Variants in ELFN1 observed in about 807,000 individuals in gnomAD.
ELFN1 encodes extracellular leucine rich repeat and fibronectin type III domain containing 1, also known as protein ELFN1.
ELFN1 carries 6 observed loss-of-function variants against 7.6 expected under a neutral mutation model. The observed-to-expected ratio is 0.79, with a 90% CI of 0.43 to 1.56. The LOEUF is 1.56. ELFN1 is among the 40% of genes most tolerant of loss of function. The pLI is 0.01. For synonymous variants in ELFN1, 657 were observed against 588.1 expected, an observed-to-expected ratio of 1.12 and a Z score of -1.70; for missense variants, 1,169 against 1,232.2, an observed-to-expected ratio of 0.95 and a Z score of 0.77.
At chr7:1,690,020 C>T (rs1035403747) in intron 2 of ELFN1, among the ~76,000 whole-genome samples, 1 of 152,158 alleles carries the variant, frequency 6.6e-6, no homozygotes, top group African/African-American at 2.4e-5. Flanking sequence ...CTGGCACATT[C>T]CCTTCTTGAC....
chr7:1,679,443 A>G (rs1778934883), intron 1 of ELFN1, among the ~76,000 whole-genome samples: 1 of 152,248 alleles, frequency 6.6e-6, no homozygotes, highest in South Asian at 2.1e-4. Context: ...GGCCAGGAGG[A>G]CAGTCCCGGG....
At chr7:1,712,245 C>T (rs2128588769) in intron 3 of ELFN1, among the ~76,000 whole-genome samples, 1 of 148,886 alleles carries the variant, frequency 6.7e-6, no homozygotes, top group Admixed American at 6.7e-5. Context: ...GTGCAGTGGC[C>T]TGAGTAGCTG....
At position 1,744,560 on chromosome 7, in the gene ELFN1, G is replaced by A; in HGVS notation, c.-37G>A. On this transcript the variant is annotated 5_prime_UTR_variant, in exon 4 of 4. Coordinates refer to ENST00000424383, the MANE Select transcript of ELFN1 (RefSeq NM_001128636.4). ...CCTGGCCCCCCACCTGGTCCCCCTG[G>A]GCAGGCTGAATTGGGGCTCCCTGCA... The A allele has an allele frequency of 6.9e-7, 1 of 1,459,322 alleles. No individual in the cohort carries two copies. Among genetic ancestry groups the A allele is most frequent in the Non-Finnish European group, 9.0e-7 (1 of 1,111,030 alleles). 90.4% of individuals were successfully genotyped at this position (1,459,322 alleles called of 1,614,324 possible).
intron 3 of ELFN1, among the ~76,000 whole-genome samples, chr7:1,715,518 C>T (rs1779803253): frequency 6.6e-6 from 1 of 152,200 alleles, no homozygotes; most frequent in African/African-American, 2.4e-5. Context: ...ATTCCTTTCC[C>T]CTCCCCAGCA....
upstream of ELFN1, among the ~76,000 whole-genome samples, chr7:1,666,899 G>A (rs1778680250): frequency 6.6e-6 from 1 of 151,922 alleles, no homozygotes; most frequent in East Asian, 2.0e-4. This position sits in a 1 kb window ranked among gnomAD's most constrained non-coding sequence, Gnocchi z 7.9. Context: ...CGACCGCTGC[G>A]GAGCTCCCGG....
chr7:1,733,849 G>A (rs1780374954), intron 3 of ELFN1, among the ~76,000 whole-genome samples: 1 of 152,208 alleles, frequency 6.6e-6, no homozygotes, highest in South Asian at 2.1e-4. Flanking sequence ...GTGCACCTGC[G>A]CCTGGGGAGA....
At chr7:1,677,240 G>A (rs1485641002) in intron 1 of ELFN1, among the ~76,000 whole-genome samples, 1 of 152,230 alleles carries the variant, frequency 6.6e-6, no homozygotes, top group Non-Finnish European at 1.5e-5. Context: ...TTTCAGAGCT[G>A]TGTTCTTGGG....
chr7:1,702,177 C>T lies in ELFN1; in HGVS notation c.-455-6914C>T, dbSNP rs146349458. Among the ~76,000 whole-genome samples, 72 of 152,270 alleles carry T rather than the reference C, an allele frequency of 4.7e-4. No homozygotes were observed. In the East Asian group the frequency reaches 0.013, roughly 28 times the overall value. ...CAGTGGCTCACGCTTGTAATCCCAG[C>T]ACTTTGGGAGGCCAAGGTGGGCAAA... On this transcript the variant is annotated intron_variant, in intron 2 of 3. Coordinates refer to ENST00000424383, the MANE Select transcript of ELFN1 (RefSeq NM_001128636.4).
chr7:1,692,071 T>G (rs1185602639), intron 2 of ELFN1: 3 of 152,174 alleles, frequency 2.0e-5, no homozygotes, highest in Non-Finnish European at 4.4e-5. Context: ...CATGAGGGAC[T>G]CCTTTCATCT....
At chr7:1,674,563 C>T (rs1016487485) in intron 1 of ELFN1, among the ~76,000 whole-genome samples, 3 of 152,008 alleles carry the variant, frequency 2.0e-5, no homozygotes, top group East Asian at 1.9e-4. Flanking sequence ...GGAGAGGCAG[C>T]GGAAGGGAAG....
At chr7:1,743,231 G>T (rs539175684) in intron 3 of ELFN1, among the ~76,000 whole-genome samples, 1 of 152,330 alleles carries the variant, frequency 6.6e-6, no homozygotes, top group Non-Finnish European at 1.5e-5. Context: ...AGGCTCAGCA[G>T]ACACTAGGCA....
At chr7:1,710,077 G>A (rs907159440) in intron 3 of ELFN1, among the ~76,000 whole-genome samples, 5 of 152,240 alleles carry the variant, frequency 3.3e-5, no homozygotes, top group Admixed American at 3.3e-4. Flanking sequence ...AGGCGCTATT[G>A]TTAAGCAACA....
chr7:1,705,397 C>T lies in ELFN1; in HGVS notation c.-455-3694C>T, dbSNP rs749119609. The stretch of plus-strand genomic sequence containing the variant: ...CCTTCATTTTTCCAACCCTCTCACC[C>T]GGACATTTGCAAGTTGATGAGTTGT... On this transcript the variant is annotated intron_variant, in intron 2 of 3. Transcript: ENST00000424383. This position sits in a 1 kb window ranked among gnomAD's most constrained non-coding sequence, Gnocchi z 4.3. Among the ~76,000 whole-genome samples, 5 of 152,250 alleles carry T rather than the reference C, an allele frequency of 3.3e-5. No individual in the cohort carries two copies. The highest frequency in any genetic ancestry group is 7.2e-5 in the African/African-American group (3 of 41,452).
At position 1,745,987 on chromosome 7, in the gene ELFN1, A is replaced by T; in HGVS notation, c.1391A>T (p.Lys464Met). Residue 464 changes from lysine to methionine, a missense_variant, in exon 4 of 4, where the codon AAG (lysine) becomes ATG (methionine). Coordinates refer to ENST00000424383, the MANE Select transcript of ELFN1 (RefSeq NM_001128636.4). ...ASAAAAGSLK[K>M]TIIELKYGPE... ...GCAGCCGCAGCTGGCAGCCTCAAGAAGACCATCATCGAGCTCAAGTACGGG... is the reference window on the plus strand; with the variant it reads ...GCAGCCGCAGCTGGCAGCCTCAAGATGACCATCATCGAGCTCAAGTACGGG... 6.5e-7 allele frequency: 1 copy of T among 1,544,222 alleles called. No individual in the cohort carries two copies. Among genetic ancestry groups the T allele is most frequent in the Non-Finnish European group, 8.8e-7 (1 of 1,142,802 alleles).
chr7:1,724,264 A>G (rs1205491566), intron 3 of ELFN1, among the ~76,000 whole-genome samples: 1 of 152,156 alleles, frequency 6.6e-6, no homozygotes, highest in Non-Finnish European at 1.5e-5. Flanking sequence ...CAAACCCTTC[A>G]TCGTGGCTAA....
In ELFN1 at chr7:1,670,349, G is replaced by A. The variant is rs1052139062; in HGVS notation, c.-554G>A. Among the ~76,000 whole-genome samples the A allele has an allele frequency of 2.0e-5, 3 of 151,838 alleles. No individual in the cohort carries two copies. The highest frequency in any genetic ancestry group is 2.1e-4 in the South Asian group (1 of 4,816). On this transcript the variant is annotated 5_prime_UTR_variant, in exon 1 of 4. Coordinates refer to ENST00000424383, the MANE Select transcript of ELFN1 (RefSeq NM_001128636.4). This position sits in a 1 kb window ranked among gnomAD's most constrained non-coding sequence, Gnocchi z 6.4. Reference sequence around the variant, plus strand: ...CGCAGCCCCGGAACCGAGGCCGGGCGGGCAGGTAAGCGGCGAGCGCGGCCG... The same window carrying A: ...CGCAGCCCCGGAACCGAGGCCGGGCAGGCAGGTAAGCGGCGAGCGCGGCCG...
chr7:1,733,073 G>A (rs1239787488), intron 3 of ELFN1, among the ~76,000 whole-genome samples: 2 of 152,036 alleles, frequency 1.3e-5, no homozygotes, highest in Non-Finnish European at 2.9e-5. Context: ...GCTAATTTTT[G>A]TATTTTTAGT....
At chr7:1,680,818 A>G (rs982731168) in intron 1 of ELFN1, among the ~76,000 whole-genome samples, 6 of 146,722 alleles carry the variant, frequency 4.1e-5, no homozygotes, top group African/African-American at 1.3e-4. Context: ...CTCGGCTCAC[A>G]GCAGCCTCCG....
In ELFN1 at chr7:1,745,392, G is replaced by A. The variant is rs1170276995; in HGVS notation, c.796G>A (p.Ala266Thr). 3.2e-5 allele frequency: 50 copies of A among 1,538,784 alleles called. No individual in the cohort carries two copies. The highest frequency in any genetic ancestry group is 4.1e-5 in the Non-Finnish European group (47 of 1,145,858). Residue 266 changes from alanine (A) to threonine (T), a missense_variant, in exon 4 of 4, where the codon GCA becomes ACA. This residue lies in a region of ELFN1 where 914 missense variants were observed against 872.6 expected (regional missense o/e 1.05). Coordinates refer to ENST00000424383, the MANE Select transcript of ELFN1 (RefSeq NM_001128636.4). ...AAEVVGPPRP[A>T]SGRSQPGRSP... ...TGAGGTGGTCGGGCCCCCACGTCCA[G>A]CATCCGGGCGCTCACAGCCGGGCCG...
Sources: gnomAD v4.1 joint callset for allele counts (sites outside exome capture counted in the v4.1 genomes callset) on GRCh38, gnomAD v4.1.1 for gene constraint, gnomAD v4.1.1 regional missense constraint, Gnocchi (gnomAD v3.1) non-coding constraint, MANE v1.5 for transcripts, NCBI Gene and HGNC (gene_info 2026-07-23, HGNC 2026-07-21) for gene names.